The following TAFA2 variants were observed in gnomAD, a reference collection of about 807,000 sequenced individuals.
TAFA2 encodes TAFA chemokine like family member 2, also known as chemokine-like protein TAFA-2.
TAFA2 carries 7 observed loss-of-function variants against 18.8 expected under a neutral mutation model. The observed-to-expected ratio is 0.37, with a 90% CI of 0.21 to 0.70. The LOEUF (loss-of-function observed/expected upper bound fraction) is 0.70, where lower values mean the gene tolerates loss of function less well. Among genes scored for constraint, TAFA2 ranks in the 30% least tolerant of loss-of-function variants. The probability of loss-of-function intolerance (pLI) is 0.53; values close to 1 mark genes in which losing one functional copy is unlikely to be tolerated. For synonymous variants in TAFA2, 60 were observed against 54.2 expected, an observed-to-expected ratio of 1.11 and a Z score of -0.47; for missense variants, 122 against 158.1, an observed-to-expected ratio of 0.77 and a Z score of 1.23.
chr12:61,732,756 C>T (rs1018211129), intron 4 of TAFA2, among the ~76,000 whole-genome samples: 6 of 148,518 alleles, frequency 4.0e-5, no homozygotes, highest in Non-Finnish European at 7.5e-5. Flanking sequence ...TGTGTGTGTG[C>T]GTGCGTGCGT....
chr12:62,106,863 C>A (rs1418870828), intron 1 of TAFA2, among the ~76,000 whole-genome samples: 2 of 119,718 alleles, frequency 1.7e-5, no homozygotes, highest in East Asian at 4.8e-4. Flanking sequence ...ATAGAGCGTT[C>A]TGTTTTCCAA....
intron 1 of TAFA2, among the ~76,000 whole-genome samples, chr12:62,092,150 T>C (rs1868740151): frequency 6.6e-6 from 1 of 151,942 alleles, no homozygotes. Flanking sequence ...CTTGATTCCA[T>C]CCCCATGTAC....
chr12:62,101,823 A>G (rs999156803), intron 1 of TAFA2, among the ~76,000 whole-genome samples: 33 of 152,234 alleles, frequency 2.2e-4, no homozygotes, highest in African/African-American at 6.5e-4. Flanking sequence ...AGCCAATGGT[A>G]TATTGAAATG....
intron 1 of TAFA2, among the ~76,000 whole-genome samples, chr12:62,025,406 T>TGG: frequency 6.6e-6 from 1 of 152,068 alleles, no homozygotes; most frequent in South Asian, 2.1e-4. Context: ...AAATCAAAAA[T>TGG]AAATGTTGAA....
intron 1 of TAFA2, among the ~76,000 whole-genome samples, chr12:61,986,724 G>T (rs1879833426): frequency 6.6e-6 from 1 of 151,498 alleles, no homozygotes; most frequent in African/African-American, 2.4e-5. Context: ...AGGATTAATT[G>T]CGTCAAGTTG....
intron 2 of TAFA2, among the ~76,000 whole-genome samples, chr12:61,774,478 C>T (rs948421460): frequency 6.6e-6 from 1 of 151,770 alleles, no homozygotes; most frequent in Non-Finnish European, 1.5e-5. Context: ...CCATGGAATA[C>T]TACTCAGCTA....
intron 1 of TAFA2, among the ~76,000 whole-genome samples, chr12:62,113,084 G>A (rs1420780103): frequency 6.6e-6 from 1 of 152,034 alleles, no homozygotes; most frequent in African/African-American, 2.4e-5. Flanking sequence ...GAATTTTCAG[G>A]CTTTTTGGGC....
chr12:62,250,486 G>A (rs2062907727), intron 1 of TAFA2, among the ~76,000 whole-genome samples: 1 of 151,842 alleles, frequency 6.6e-6, no homozygotes, highest in African/African-American at 2.4e-5. Context: ...TATAATTTCT[G>A]TACATATAGA....
At chr12:61,715,303 G>T (rs1480226852) in intron 4 of TAFA2, among the ~76,000 whole-genome samples, 2 of 152,000 alleles carry the variant, frequency 1.3e-5, no homozygotes, top group Non-Finnish European at 1.5e-5. Context: ...AGGTGTGGTG[G>T]TTCAGGCCTG....
chr12:61,964,713 A>C (rs1209608602), intron 1 of TAFA2, among the ~76,000 whole-genome samples: 1 of 151,922 alleles, frequency 6.6e-6, no homozygotes, highest in Non-Finnish European at 1.5e-5. Flanking sequence ...TATAGGGCAC[A>C]GTGTGAGGTA....
chr12:61,717,471 A>G (rs1051112140), intron 4 of TAFA2, among the ~76,000 whole-genome samples: 1 of 152,206 alleles, frequency 6.6e-6, no homozygotes, highest in Non-Finnish European at 1.5e-5. Context: ...ACCACAGCTT[A>G]GTTTTACCTC....
At chr12:62,156,094 G>C (rs1252806915) in intron 1 of TAFA2, among the ~76,000 whole-genome samples, 1 of 151,976 alleles carries the variant, frequency 6.6e-6, no homozygotes, top group Admixed American at 6.6e-5. Flanking sequence ...AAACAAATCA[G>C]TAAGAAAGAA....
intron 1 of TAFA2, among the ~76,000 whole-genome samples, chr12:62,208,583 T>A (rs1037625580): frequency 1.3e-5 from 2 of 149,856 alleles, no homozygotes; most frequent in Non-Finnish European, 3.0e-5. Flanking sequence ...ATACCTAGCA[T>A]GGGGCTAGGA....
At chr12:61,909,656 G>A (rs2121339355) in intron 1 of TAFA2, among the ~76,000 whole-genome samples, 1 of 152,270 alleles carries the variant, frequency 6.6e-6, no homozygotes, top group African/African-American at 2.4e-5. Flanking sequence ...GTAGTAAAGA[G>A]CACTAAAGGG....
intron 1 of TAFA2, among the ~76,000 whole-genome samples, chr12:62,233,460 T>C (rs1390293827): frequency 1.3e-5 from 2 of 152,204 alleles, no homozygotes; most frequent in East Asian, 3.9e-4. Flanking sequence ...TTGCCCACCA[T>C]TGGAATGCAC....
At chr12:62,156,397 A>G (rs1420405148) in intron 1 of TAFA2, among the ~76,000 whole-genome samples, 1 of 152,162 alleles carries the variant, frequency 6.6e-6, no homozygotes, top group Non-Finnish European at 1.5e-5. Flanking sequence ...AGATTTCTTA[A>G]AGAACTAAAA....
At chr12:62,159,211 CAG>C (rs1354204958) in intron 1 of TAFA2, among the ~76,000 whole-genome samples, 3 of 152,158 alleles carry the variant, frequency 2.0e-5, no homozygotes, top group Non-Finnish European at 2.9e-5. Flanking sequence ...TTGCCACATG[CAG>C]AGTCACTCGC....
At chr12:62,235,406 T>C in intron 1 of TAFA2, 1 of 653,018 alleles carries the variant, frequency 1.5e-6, no homozygotes, top group Non-Finnish European at 2.8e-6. Flanking sequence ...ATGAGTCATG[T>C]TCAAGATGGG....
intron 1 of TAFA2, among the ~76,000 whole-genome samples, chr12:62,133,508 AAT>A (rs1156859302): frequency 6.6e-6 from 1 of 152,062 alleles, no homozygotes; most frequent in African/African-American, 2.4e-5. Context: ...TAGAAAAAAA[AAT>A]AGAGAGGGAG....
Sources: allele counts gnomAD v4.1 joint callset (sites outside exome capture counted in the v4.1 genomes callset), GRCh38; gene constraint gnomAD v4.1.1; transcripts MANE v1.5; gene names NCBI Gene and HGNC (gene_info 2026-07-23, HGNC 2026-07-21).